Variants in NETO1 observed in about 807,000 individuals in gnomAD.
NETO1 encodes neuropilin and tolloid-like protein 1.
A neutral mutation model predicts 61.3 loss-of-function variants in NETO1; 26 were observed. That is an observed-to-expected ratio of 0.42 (90% confidence interval 0.31 to 0.59). The LOEUF (loss-of-function observed/expected upper bound fraction) is 0.59, where lower values mean the gene tolerates loss of function less well. NETO1 is among the 20% of genes least tolerant of loss of function. The pLI is 0.12. For synonymous variants in NETO1, 225 were observed against 225.8 expected, an observed-to-expected ratio of 1.00 and a Z score of 0.03; for missense variants, 531 against 662.8, an observed-to-expected ratio of 0.80 and a Z score of 2.18.
chr18:72,822,706 T>C (rs1296982013), intron 4 of NETO1, among the ~76,000 whole-genome samples: 1 of 152,216 alleles, frequency 6.6e-6, no homozygotes, highest in Non-Finnish European at 1.5e-5. Flanking sequence ...AAGTGGATTG[T>C]CATAGGAATA....
At chr18:72,762,940 T>C (rs1405701881) in intron 7 of NETO1, among the ~76,000 whole-genome samples, 2 of 152,244 alleles carry the variant, frequency 1.3e-5, no homozygotes, top group Non-Finnish European at 2.9e-5. Context: ...AAGGTAGATT[T>C]ACATAATGTA....
At chr18:72,807,728 A>T (rs2072721490) in intron 4 of NETO1, among the ~76,000 whole-genome samples, 1 of 43,968 alleles carries the variant, frequency 2.3e-5, no homozygotes, top group Non-Finnish European at 3.2e-4. Context: ...ACACACACAC[A>T]CACACACACA....
Position 72,783,664 on chromosome 18 carries a change from G to A in NETO1, c.868+14C>T, listed in dbSNP as rs773438487. 16 of 1,609,714 alleles carry A rather than the reference G, an allele frequency of 9.9e-6. No individual in the cohort carries two copies. The highest frequency in any genetic ancestry group is 1.3e-5 in the Non-Finnish European group (15 of 1,176,152). On this transcript the variant is annotated intron_variant, in intron 7 of 10. Transcript: ENST00000327305. ...ATATACGAAGGAAAAATAGTCAAGT[G>A]CAGAGAATCTTACGTTCTTGAAAGG...
chr18:72,851,391 A>G (rs1358011955), intron 4 of NETO1, among the ~76,000 whole-genome samples: 1 of 151,950 alleles, frequency 6.6e-6, no homozygotes, highest in African/African-American at 2.4e-5. Flanking sequence ...AGCCTGGGCA[A>G]CAAGAGCGAA....
chr18:72,783,284 C>T (rs2071803310), intron 7 of NETO1, among the ~76,000 whole-genome samples: 2 of 152,244 alleles, frequency 1.3e-5, no homozygotes, highest in African/African-American at 4.8e-5. Flanking sequence ...AATGGGACTG[C>T]AAAAGAAGCT....
chr18:72,760,964 C>T (rs1209472188), intron 7 of NETO1, among the ~76,000 whole-genome samples: 2 of 152,034 alleles, frequency 1.3e-5, no homozygotes, highest in East Asian at 3.8e-4. Context: ...CAGATACTGT[C>T]ATATGGTGTA....
At chr18:72,847,982 G>A (rs1200674981) in intron 4 of NETO1, among the ~76,000 whole-genome samples, 1 of 152,182 alleles carries the variant, frequency 6.6e-6, no homozygotes. Flanking sequence ...CACATTCCAG[G>A]GCTAATGGGC....
chr18:72,809,376 T>A (rs1210439200), intron 4 of NETO1, among the ~76,000 whole-genome samples: 1 of 152,214 alleles, frequency 6.6e-6, no homozygotes, highest in Non-Finnish European at 1.5e-5. Context: ...ATGCTGAACC[T>A]GTATGTAACT....
intron 4 of NETO1, among the ~76,000 whole-genome samples, chr18:72,838,895 T>G (rs1440531718): frequency 6.6e-6 from 1 of 152,198 alleles, no homozygotes; most frequent in East Asian, 1.9e-4. Context: ...CGTAAAGTTT[T>G]CATTAAAATT....
chr18:72,855,276 C>T (rs1244114238), intron 4 of NETO1, among the ~76,000 whole-genome samples: 1 of 152,182 alleles, frequency 6.6e-6, no homozygotes, highest in African/African-American at 2.4e-5. Flanking sequence ...CGCCCCCTGG[C>T]CCTTCTACAA....
chr18:72,786,113 T>C (rs1249615241), intron 6 of NETO1, among the ~76,000 whole-genome samples: 2 of 152,244 alleles, frequency 1.3e-5, no homozygotes, highest in Non-Finnish European at 2.9e-5. Flanking sequence ...TTTTCTTTAT[T>C]GAATTCCTTT....
intron 7 of NETO1, among the ~76,000 whole-genome samples, chr18:72,780,845 G>C (rs2145218105): frequency 6.6e-6 from 1 of 152,190 alleles, no homozygotes; most frequent in East Asian, 1.9e-4. Flanking sequence ...ATCTTTGTCA[G>C]CCTCTTCTAG....
intron 4 of NETO1, among the ~76,000 whole-genome samples, chr18:72,848,183 A>G (rs1227709058): frequency 6.6e-6 from 1 of 152,186 alleles, no homozygotes; most frequent in Non-Finnish European, 1.5e-5. Flanking sequence ...TTTGCCATGT[A>G]ACATAACATA....
intron 7 of NETO1, among the ~76,000 whole-genome samples, chr18:72,766,255 T>C (rs2145154736): frequency 1.3e-5 from 2 of 148,874 alleles, no homozygotes; most frequent in South Asian, 4.2e-4. Flanking sequence ...TGTGTGTGTG[T>C]GTAGCTTGCT....
At chr18:72,853,205 A>G (rs562224428) in intron 4 of NETO1, 7 of 152,286 alleles carry the variant, frequency 4.6e-5, no homozygotes, top group African/African-American at 1.7e-4. Context: ...TTCTTGAAAA[A>G]TATGCCTCAA....
intron 1 of NETO1, 49 bp downstream of exon 1, chr18:72,867,215 G>C (rs745591113): frequency 7.0e-7 from 1 of 1,438,448 alleles, no homozygotes; most frequent in East Asian, 2.7e-5. Flanking sequence ...GGAAAGGGGC[G>C]GGAGGGCTGG....
In NETO1 at chr18:72,745,133, GAT is replaced by G. The variant is rs1397985764; in HGVS notation, c.*3044_*3045del. 4 of 152,152 alleles carry G rather than the reference GAT, an allele frequency of 2.6e-5. No individual in the cohort carries two copies. Among genetic ancestry groups the G allele is most frequent in the Non-Finnish European group, 4.4e-5 (3 of 68,026 alleles). The allele number at this position is 152,152 out of a possible 1,614,324, so 9.4% of individuals were successfully genotyped here. ...TCTCCATTAAAAGCCCAAAGACACT[GAT>G]CTCCAATTATGTGGACAGCCACATT... On this transcript the variant is annotated 3_prime_UTR_variant, in exon 11 of 11. Coordinates refer to ENST00000327305, the MANE Select transcript of NETO1 (RefSeq NM_138966.5).
At chr18:72,855,046 A>C (rs1387579052) in intron 4 of NETO1, among the ~76,000 whole-genome samples, 1 of 152,238 alleles carries the variant, frequency 6.6e-6, no homozygotes, top group Non-Finnish European at 1.5e-5. Context: ...ATGAGAAAAC[A>C]ATATAATTCT....
At chr18:72,838,389 T>A (rs2073822444) in intron 4 of NETO1, among the ~76,000 whole-genome samples, 1 of 152,178 alleles carries the variant, frequency 6.6e-6, no homozygotes, top group Admixed American at 6.5e-5. Context: ...TCTTGTGACA[T>A]CTCTAGGTTT....
Sources: allele counts gnomAD v4.1 joint callset (sites outside exome capture counted in the v4.1 genomes callset), GRCh38; gene constraint gnomAD v4.1.1; transcripts MANE v1.5; gene names NCBI Gene and HGNC (gene_info 2026-07-23, HGNC 2026-07-21).